The following GPATCH2 variants were observed in gnomAD, a reference collection of about 807,000 sequenced individuals.
GPATCH2 encodes G patch domain-containing protein 2.
GPATCH2 carries 51 observed loss-of-function variants against 58.0 expected under a neutral mutation model. The ratio of observed to expected loss-of-function variants is 0.88; its 90% CI spans 0.70 to 1.11. The LOEUF is 1.11. GPATCH2 is among the 50% of genes most tolerant of loss of function. The pLI is 0.00. For missense variants in GPATCH2, 625 were observed against 652.2 expected, an observed-to-expected ratio of 0.96 and a Z score of 0.45; for synonymous variants, 222 against 218.5, an observed-to-expected ratio of 1.02 and a Z score of -0.14.
intron 8 of GPATCH2, among the ~76,000 whole-genome samples, chr1:217,491,243 A>G (rs535292306): frequency 1.3e-5 from 2 of 152,328 alleles, no homozygotes; most frequent in East Asian, 3.9e-4. Context: ...AACATTGGAA[A>G]AAATGAACAA....
chr1:217,581,346 C>T (rs1667073679), intron 5 of GPATCH2, among the ~76,000 whole-genome samples: 1 of 152,118 alleles, frequency 6.6e-6, no homozygotes, highest in South Asian at 2.1e-4. Context: ...AGAAAAGGCC[C>T]TTAATAAAAG....
intron 8 of GPATCH2, among the ~76,000 whole-genome samples, chr1:217,475,166 C>T (rs1571767200): frequency 6.6e-6 from 1 of 152,266 alleles, no homozygotes; most frequent in African/African-American, 2.4e-5. Context: ...AGGCTCGGCG[C>T]GGTGGCTCAT....
chr1:217,504,932 C>A (rs1401408119), intron 6 of GPATCH2, among the ~76,000 whole-genome samples: 1 of 152,036 alleles, frequency 6.6e-6, no homozygotes. Flanking sequence ...AAGTCAGAGT[C>A]AAGTTTATGC....
intron 8 of GPATCH2, among the ~76,000 whole-genome samples, chr1:217,468,215 C>A (rs890506389): frequency 1.3e-5 from 2 of 152,036 alleles, no homozygotes; most frequent in African/African-American, 4.8e-5. Flanking sequence ...ATTTTGCAAC[C>A]CTTAGTGAAT....
At chr1:217,482,604 C>A (rs535297004) in intron 8 of GPATCH2, among the ~76,000 whole-genome samples, 1 of 151,988 alleles carries the variant, frequency 6.6e-6, no homozygotes, top group South Asian at 2.1e-4. Flanking sequence ...GAGGAAGCCA[C>A]AAGGGGTGAG....
chr1:217,601,251 G>A (rs1222489430), intron 5 of GPATCH2, among the ~76,000 whole-genome samples: 1 of 151,974 alleles, frequency 6.6e-6, no homozygotes, highest in East Asian at 1.9e-4. Context: ...TTTAGCATCT[G>A]TAAACTTTCT....
intron 5 of GPATCH2, among the ~76,000 whole-genome samples, chr1:217,546,155 G>A (rs962416500): frequency 7.9e-5 from 12 of 152,224 alleles, no homozygotes; most frequent in African/African-American, 2.9e-4. Context: ...GATGGCACAA[G>A]CAAATAGAAA....
chr1:217,567,046 C>CTT (rs71301102), intron 5 of GPATCH2, among the ~76,000 whole-genome samples: 2 of 133,590 alleles, frequency 1.5e-5, no homozygotes, highest in African/African-American at 3.0e-5. Flanking sequence ...TAACTTCTGG[C>CTT]TTTTTTTTTT....
At chr1:217,519,547 T>A (rs978883676) in intron 5 of GPATCH2, among the ~76,000 whole-genome samples, 2 of 152,216 alleles carry the variant, frequency 1.3e-5, no homozygotes, top group Non-Finnish European at 2.9e-5. Context: ...GGGAGTTGCA[T>A]GCATTATCTC....
rs111881743 is a variant in GPATCH2, at chr1:217,589,517, C to T, written c.1098+20804G>A. ...AAATACAAAGAGTATAGACACACTG[C>T]GGTCTTTTGGGTCTTTGGCTTGTAT... is the stretch of plus-strand genomic sequence containing the variant. On this transcript the variant is annotated intron_variant, in intron 5 of 9. Coordinates refer to ENST00000366935, the MANE Select transcript of GPATCH2 (RefSeq NM_018040.5). Among the ~76,000 whole-genome samples, 46 of 152,242 alleles carry T rather than the reference C, an allele frequency of 3.0e-4. 2 individuals carry two copies. Among genetic ancestry groups the T allele is most frequent in the African/African-American group, 1.0e-3 (42 of 41,556 alleles).
In GPATCH2 at chr1:217,531,044, A is replaced by C. The variant is rs899212875; in HGVS notation, c.1099-16155T>G. 1.1e-4 allele frequency among the ~76,000 whole-genome samples: 17 copies of C among 148,284 alleles called. No homozygotes were observed. In the South Asian group the frequency reaches 2.1e-3, roughly 19 times the overall value. On this transcript the variant is annotated intron_variant, in intron 5 of 9. Coordinates refer to ENST00000366935, the MANE Select transcript of GPATCH2 (RefSeq NM_018040.5). Reference sequence around the variant, plus strand: ...ACCTCCTCCCAAGCCCAGTTACACAAACACACACACACACACACACACACA... The same window carrying C: ...ACCTCCTCCCAAGCCCAGTTACACACACACACACACACACACACACACACA...
At chr1:217,451,673 T>A (rs1465774908) in intron 8 of GPATCH2, among the ~76,000 whole-genome samples, 3 of 152,236 alleles carry the variant, frequency 2.0e-5, no homozygotes, top group Admixed American at 2.0e-4. Context: ...AGCAAAAGAC[T>A]GGAGCAAAGT....
intron 5 of GPATCH2, among the ~76,000 whole-genome samples, chr1:217,549,051 G>A (rs1161295958): frequency 1.3e-5 from 2 of 152,102 alleles, no homozygotes; most frequent in Non-Finnish European, 2.9e-5. Context: ...ACAAATGTCT[G>A]TATACTGTTG....
At chr1:217,528,770 G>A (rs1664048192) in intron 5 of GPATCH2, among the ~76,000 whole-genome samples, 1 of 152,208 alleles carries the variant, frequency 6.6e-6, no homozygotes, top group African/African-American at 2.4e-5. Flanking sequence ...AGAGAATGCT[G>A]TTGGTTCCCC....
intron 7 of GPATCH2, chr1:217,492,422 T>C (rs2102535008): frequency 6.6e-6 from 1 of 152,294 alleles, no homozygotes; most frequent in African/African-American, 2.4e-5. Flanking sequence ...TCAATATTCT[T>C]CACTATGTGC....
At chr1:217,580,631 C>A (rs1284848731) in intron 5 of GPATCH2, among the ~76,000 whole-genome samples, 2 of 152,074 alleles carry the variant, frequency 1.3e-5, no homozygotes, top group Non-Finnish European at 2.9e-5. Context: ...TATCATCCTC[C>A]TCCTTTAAAA....
At chr1:217,609,575 G>C (rs895439202) in intron 5 of GPATCH2, 27 of 984,624 alleles carry the variant, frequency 2.7e-5, no homozygotes, top group Non-Finnish European at 8.4e-6. Flanking sequence ...AAGTAGAAAG[G>C]AAGCTGAACA....
intron 9 of GPATCH2, among the ~76,000 whole-genome samples, chr1:217,444,639 G>T (rs1659300987): frequency 6.6e-6 from 1 of 152,146 alleles, no homozygotes; most frequent in Non-Finnish European, 1.5e-5. Context: ...AGAGTGGGCT[G>T]GTGGTGTATG....
At chr1:217,611,434 C>CA (rs1668626953) in intron 3 of GPATCH2, among the ~76,000 whole-genome samples, 1 of 151,984 alleles carries the variant, frequency 6.6e-6, no homozygotes, top group Admixed American at 6.6e-5. Flanking sequence ...CTGCCAGCAA[C>CA]AAAAACACAA....
Sources: allele counts gnomAD v4.1 joint callset (sites outside exome capture counted in the v4.1 genomes callset), GRCh38; gene constraint gnomAD v4.1.1; transcripts MANE v1.5; gene names NCBI Gene and HGNC (gene_info 2026-07-23, HGNC 2026-07-21).